AGTPBP1: variants seen among roughly 807,000 people sequenced by gnomAD.
AGTPBP1 encodes cytosolic carboxypeptidase 1.
A neutral mutation model predicts 143.9 loss-of-function variants in AGTPBP1; 70 were observed. The ratio of observed to expected loss-of-function variants is 0.49; its 90% CI spans 0.40 to 0.59. The LOEUF (loss-of-function observed/expected upper bound fraction) is 0.59, where lower values mean the gene tolerates loss of function less well. Among genes scored for constraint, AGTPBP1 ranks in the 20% least tolerant of loss-of-function variants. The pLI, the probability that AGTPBP1 is intolerant of heterozygous loss-of-function variation, is 0.00. For missense variants in AGTPBP1, 1,229 were observed against 1,464.5 expected, an observed-to-expected ratio of 0.84 and a Z score of 2.62; for synonymous variants, 463 against 500.2, an observed-to-expected ratio of 0.93 and a Z score of 0.99.
rs747983188 is a variant in AGTPBP1, at chr9:85,615,389, T to C, written c.2335+3594A>G. ...TAAGGGTATCTACTGCAAGACAGCT[T>C]ATAATTTTGAAATGTGGAGAAAGAC... is the stretch of plus-strand genomic sequence containing the variant. On this transcript the variant is annotated intron_variant, in intron 17 of 25. Coordinates refer to ENST00000357081, the MANE Select transcript of AGTPBP1 (RefSeq NM_001330701.2). Among the ~76,000 whole-genome samples the C allele has an allele frequency of 9.2e-4, 140 of 152,154 alleles. 2 individuals carry two copies. Among genetic ancestry groups the C allele is most frequent in the Non-Finnish European group, 1.7e-3 (115 of 67,970 alleles).
At chr9:85,563,654 G>A (rs1403886530) in intron 25 of AGTPBP1, among the ~76,000 whole-genome samples, 3 of 152,150 alleles carry the variant, frequency 2.0e-5, no homozygotes, top group East Asian at 3.8e-4. Flanking sequence ...TTTGGGAGGA[G>A]AGAATACCAA....
chr9:85,633,313 G>A lies in AGTPBP1; in HGVS notation c.1364C>T (p.Pro455Leu), dbSNP rs758205103. The A allele has an allele frequency of 6.2e-7, 1 of 1,611,314 alleles. No individual in the cohort carries two copies. Among genetic ancestry groups the A allele is most frequent in the Non-Finnish European group, 8.5e-7 (1 of 1,179,256 alleles). ...CTCGCCTGCCGTAGGAACAACAATA[G>A]GACCACGTACTTTTCCCTCAAATAC... is the stretch of plus-strand genomic sequence containing the variant. ...PFVFEGKVRG[P>L]IVVPTAGEET... is the part of the protein sequence containing the mutation. Residue 455 changes from proline to leucine, a missense_variant, in exon 14 of 26, where the codon CCT (proline) becomes CTT (leucine). Pro to Leu is a moderately conservative substitution (Grantham distance 98, BLOSUM62 -3). Around this residue, in one of 2 missense-constraint regions of AGTPBP1, gnomAD observed 743 missense variants for 812.2 expected, o/e 0.91. Transcript: ENST00000357081.
At chr9:85,570,210 G>C (rs1314087832) in intron 25 of AGTPBP1, among the ~76,000 whole-genome samples, 4 of 152,234 alleles carry the variant, frequency 2.6e-5, no homozygotes, top group African/African-American at 4.8e-5. Context: ...AGGTGGAATG[G>C]AGTGGGATGG....
intron 2 of AGTPBP1, among the ~76,000 whole-genome samples, chr9:85,707,319 A>C (rs1301536651): frequency 6.6e-6 from 1 of 152,170 alleles, no homozygotes; most frequent in African/African-American, 2.4e-5. Context: ...TTAGCTTTCA[A>C]TGTAAAAAAT....
chr9:85,745,922 TAGAC>T (rs1824574655), upstream of AGTPBP1, among the ~76,000 whole-genome samples: 1 of 152,112 alleles, frequency 6.6e-6, no homozygotes, highest in African/African-American at 2.4e-5. Flanking sequence ...GCTCCAGACA[TAGAC>T]AAGCAATCTG....
chr9:85,774,910 C>T, the AGTPBP1 span, among the ~76,000 whole-genome samples: 3 of 152,176 alleles, frequency 2.0e-5, no homozygotes, highest in African/African-American at 7.2e-5. Flanking sequence ...TTCAAACATG[C>T]TCTCCTTACC....
intron 3 of AGTPBP1, among the ~76,000 whole-genome samples, chr9:85,691,540 T>TGTGC (rs1231586252): frequency 1.3e-5 from 2 of 149,004 alleles, no homozygotes; most frequent in Non-Finnish European, 3.0e-5. Context: ...AAAGAGGGTG[T>TGTGC]GTGTGTGTGT....
chr9:85,598,137 TCAC>T (rs1327482075), intron 17 of AGTPBP1, among the ~76,000 whole-genome samples: 1 of 152,196 alleles, frequency 6.6e-6, no homozygotes, highest in Non-Finnish European at 1.5e-5. Flanking sequence ...CTTCAGAATC[TCAC>T]TTTTTCCTCA....
intron 23 of AGTPBP1, among the ~76,000 whole-genome samples, chr9:85,582,899 T>C (rs1040449033): frequency 1.3e-5 from 2 of 152,086 alleles, no homozygotes; most frequent in Non-Finnish European, 1.5e-5. Flanking sequence ...AATCTAGGAA[T>C]GTTACTTTAC....
chr9:85,656,981 G>A (rs555169551), intron 10 of AGTPBP1, among the ~76,000 whole-genome samples: 65 of 151,714 alleles, frequency 4.3e-4, no homozygotes, highest in African/African-American at 1.4e-3. Context: ...TTGCCTTAAT[G>A]AGATCACATG....
At chr9:85,783,014 T>C in the AGTPBP1 span, among the ~76,000 whole-genome samples, 1 of 152,202 alleles carries the variant, frequency 6.6e-6, no homozygotes, top group South Asian at 2.1e-4. Flanking sequence ...GTATCTGATA[T>C]TAGACATCTA....
rs376112864 is a variant in AGTPBP1 at position 85,728,179 on chromosome 9, T to C, written c.-34+13596A>G. Among the ~76,000 whole-genome samples, 5 of 152,232 alleles carry C rather than the reference T, an allele frequency of 3.3e-5. No homozygotes were observed. The East Asian group carries it at 9.6e-4, about 29-fold the overall frequency. On this transcript the variant is annotated intron_variant, in intron 1 of 25. Coordinates refer to ENST00000357081, the MANE Select transcript of AGTPBP1 (RefSeq NM_001330701.2). ...TGTTTCTTGGGCTTGTGAGTAAGAATGTTTATCTGCAAATCTCAAGTCTTG... is the reference window on the plus strand; with the variant it reads ...TGTTTCTTGGGCTTGTGAGTAAGAACGTTTATCTGCAAATCTCAAGTCTTG...
At chr9:85,774,285 G>A in the AGTPBP1 span, among the ~76,000 whole-genome samples, 6 of 152,130 alleles carry the variant, frequency 3.9e-5, no homozygotes, top group Non-Finnish European at 7.3e-5. Context: ...CTACAATCCT[G>A]TCAGCTTGTT....
intron 24 of AGTPBP1, among the ~76,000 whole-genome samples, chr9:85,577,429 A>C (rs1482856433): frequency 1.3e-5 from 2 of 152,220 alleles, no homozygotes; most frequent in South Asian, 2.1e-4. Context: ...ACACTTACTG[A>C]ATGAGACCCT....
chr9:85,727,067 C>T (rs1005469365), intron 1 of AGTPBP1, among the ~76,000 whole-genome samples: 3 of 152,188 alleles, frequency 2.0e-5, no homozygotes, highest in African/African-American at 4.8e-5. Flanking sequence ...TGGTGGCTCA[C>T]GCCTGTAATC....
In AGTPBP1 at chr9:85,724,310, G is replaced by T. The variant is rs1032882765; in HGVS notation, c.-33-11744C>A. ...TCAAAAAAAAAAAAAAAAAAAGAAA[G>T]AAATAAACATCTGTTCTTTATAAGC... On this transcript the variant is annotated intron_variant, in intron 1 of 25. Transcript: ENST00000357081. Among the ~76,000 whole-genome samples, 175 of 144,210 alleles carry T rather than the reference G, an allele frequency of 1.2e-3. 1 individual carries two copies. Among genetic ancestry groups the T allele is most frequent in the Middle Eastern group, 3.6e-3 (1 of 274 alleles). 94.6% of individuals were successfully genotyped at this position (144,210 alleles called of 152,430 possible).
At chr9:85,731,348 C>G (rs1324291648) in intron 1 of AGTPBP1, among the ~76,000 whole-genome samples, 2 of 151,998 alleles carry the variant, frequency 1.3e-5, no homozygotes, top group African/African-American at 2.4e-5. Flanking sequence ...ATGTGGGAAA[C>G]TGGAACCCTC....
intron 19 of AGTPBP1, among the ~76,000 whole-genome samples, chr9:85,591,683 T>G (rs1828977658): frequency 6.6e-6 from 1 of 152,154 alleles, no homozygotes; most frequent in Non-Finnish European, 1.5e-5. Flanking sequence ...TAACCTTTCT[T>G]AAAGTACAGT....
intron 1 of AGTPBP1, among the ~76,000 whole-genome samples, chr9:85,720,890 C>T (rs753916447): frequency 2.6e-5 from 4 of 152,148 alleles, no homozygotes; most frequent in African/African-American, 4.8e-5. Context: ...TTTCAAAGAA[C>T]GTCTTTATCT....
Sources: allele counts gnomAD v4.1 joint callset (sites outside exome capture counted in the v4.1 genomes callset), GRCh38; gene constraint gnomAD v4.1.1; regional missense constraint gnomAD v4.1.1; transcripts MANE v1.5; gene names NCBI Gene and HGNC (gene_info 2026-07-23, HGNC 2026-07-21).